AFG2A: variants seen among roughly 807,000 people sequenced by gnomAD.
The protein encoded by AFG2A is AAA ATPase AFG2A.
the AFG2A span, among the ~76,000 whole-genome samples, chr4:123,139,827 T>A: frequency 7.7e-4 from 117 of 152,218 alleles, no homozygotes; most frequent in African/African-American, 2.5e-3. Context: ...ATTTTCTGAA[T>A]CATTCAAGTT....
At chr4:123,170,855 C>T in the AFG2A span, among the ~76,000 whole-genome samples, 1 of 151,788 alleles carries the variant, frequency 6.6e-6, no homozygotes, top group Admixed American at 6.6e-5. Context: ...TTAAAAAAAC[C>T]GTTAGTTTTG....
At chr4:123,197,841 T>C in the AFG2A span, among the ~76,000 whole-genome samples, 1 of 152,126 alleles carries the variant, frequency 6.6e-6, no homozygotes, top group South Asian at 2.1e-4. Flanking sequence ...GGAAGGCAGG[T>C]GTTAAGAACT....
the AFG2A span, among the ~76,000 whole-genome samples, chr4:123,193,639 G>A: frequency 6.6e-6 from 1 of 152,180 alleles, no homozygotes; most frequent in African/African-American, 2.4e-5. Context: ...TACTGGAGAA[G>A]TTCACTAGGT....
chr4:123,113,863 G>A, the AFG2A span, among the ~76,000 whole-genome samples: 2 of 152,174 alleles, frequency 1.3e-5, no homozygotes, highest in Non-Finnish European at 2.9e-5. Context: ...GCAGTGAGTA[G>A]CTCCTTTCTG....
At chr4:123,020,945 C>G in the AFG2A span, among the ~76,000 whole-genome samples, 1 of 152,128 alleles carries the variant, frequency 6.6e-6, no homozygotes, top group South Asian at 2.1e-4. Flanking sequence ...ATTTAATAAA[C>G]ATTACGATTT....
At chr4:123,099,531 GT>G in the AFG2A span, among the ~76,000 whole-genome samples, 62 of 145,524 alleles carry the variant, frequency 4.3e-4, no homozygotes, top group South Asian at 1.3e-3. Flanking sequence ...GAGCCACAGA[GT>G]TTTTTTTTTT....
chr4:122,978,538 C>G, the AFG2A span, among the ~76,000 whole-genome samples: 1,847 of 152,342 alleles, frequency 0.012, 43 homozygotes, highest in African/African-American at 0.041. Flanking sequence ...CCAGCTCTGA[C>G]AGCCTGCCCT....
chr4:123,081,568 G>T, the AFG2A span, among the ~76,000 whole-genome samples: 1 of 152,252 alleles, frequency 6.6e-6, no homozygotes, highest in Non-Finnish European at 1.5e-5. Flanking sequence ...AAGTTATGAA[G>T]ACTGTGAATA....
chr4:123,015,273 G>A, the AFG2A span, among the ~76,000 whole-genome samples: 2 of 150,576 alleles, frequency 1.3e-5, no homozygotes, highest in African/African-American at 4.9e-5. Context: ...TGGAGGGAGG[G>A]TCAGCAGATA....
chr4:122,947,285 C>G, the AFG2A span: 3 of 1,612,122 alleles, frequency 1.9e-6, no homozygotes, highest in Non-Finnish European at 2.5e-6. Context: ...CGCCCTCATG[C>G]CTTGGATGCT....
chr4:123,077,046 G>GTTTT, the AFG2A span, among the ~76,000 whole-genome samples: 1 of 108,570 alleles, frequency 9.2e-6, no homozygotes, highest in Non-Finnish European at 1.8e-5. Flanking sequence ...TCCTGTTGTT[G>GTTTT]TTTTTTTTTT....
chr4:123,050,912 T>G, the AFG2A span, among the ~76,000 whole-genome samples: 5 of 151,298 alleles, frequency 3.3e-5, no homozygotes, highest in African/African-American at 1.2e-4. Context: ...GCCCAGCTAA[T>G]TTTTTTTTAG....
At chr4:123,307,090 A>G in the AFG2A span, among the ~76,000 whole-genome samples, 12 of 152,158 alleles carry the variant, frequency 7.9e-5, no homozygotes, top group Non-Finnish European at 1.6e-4. Flanking sequence ...CTATACATCT[A>G]CTCAGCAGAG....
chr4:122,931,406 C>T, the AFG2A span, among the ~76,000 whole-genome samples: 1 of 151,972 alleles, frequency 6.6e-6, no homozygotes, highest in African/African-American at 2.4e-5. Context: ...GCCTTGAACA[C>T]CGTTAGCAAA....
chr4:123,307,892 C>G, the AFG2A span, among the ~76,000 whole-genome samples: 1 of 152,176 alleles, frequency 6.6e-6, no homozygotes, highest in Non-Finnish European at 1.5e-5. Context: ...AGAATAGACC[C>G]TATAGCCTAG....
chr4:122,959,046 C>G, the AFG2A span, among the ~76,000 whole-genome samples: 8 of 152,200 alleles, frequency 5.3e-5, no homozygotes, highest in African/African-American at 1.7e-4. Flanking sequence ...TCCTGTAGGT[C>G]CAGAAGGTCC....
chr4:123,190,425 C>T, the AFG2A span, among the ~76,000 whole-genome samples: 1 of 152,158 alleles, frequency 6.6e-6, no homozygotes, highest in Non-Finnish European at 1.5e-5. Context: ...TATCTAACCT[C>T]ATCTGATTTC....
At chr4:123,105,510 T>C in the AFG2A span, among the ~76,000 whole-genome samples, 1 of 152,286 alleles carries the variant, frequency 6.6e-6, no homozygotes, top group South Asian at 2.1e-4. Flanking sequence ...CTTAAGGCTA[T>C]TGCTGCTGTA....
chr4:123,038,048 T>A, the AFG2A span, among the ~76,000 whole-genome samples: 3 of 152,074 alleles, frequency 2.0e-5, no homozygotes, highest in East Asian at 5.8e-4. Flanking sequence ...TAACATTCTA[T>A]GAGTAGGTCA....
Sources: gnomAD v4.1 joint callset for allele counts (sites outside exome capture counted in the v4.1 genomes callset) on GRCh38, gnomAD v4.1.1 for gene constraint, MANE v1.5 for transcripts, NCBI Gene and HGNC (gene_info 2026-07-23, HGNC 2026-07-21) for gene names.